Variants in CENPI observed in about 807,000 individuals in gnomAD.
CENPI encodes centromere protein I.
In CENPI, 4 loss-of-function variants were observed where a neutral mutation model predicts 60.4. That is an observed-to-expected ratio of 0.07 (90% CI 0.03 to 0.15). The LOEUF is 0.15. Among genes scored for constraint, CENPI ranks in the 10% least tolerant of loss-of-function variants. CENPI has a pLI of 1.00. For missense variants in CENPI, 444 were observed against 534.5 expected (o/e 0.83, Z 1.67); for synonymous variants, 157 against 189.4 (o/e 0.83, Z 1.40).
At chrX:101,172,556 A>G in the CENPI span, among the ~76,000 whole-genome samples, 1 of 111,872 alleles carries the variant, frequency 8.9e-6, no homozygotes, top group African/African-American at 3.2e-5. Context: ...TTGTGGTTCT[A>G]TTTACATGAA....
chrX:101,108,928 TGA>T (rs1427872661), intron 4 of CENPI, among the ~76,000 whole-genome samples: 13 of 111,464 alleles, frequency 1.2e-4, no homozygotes, highest in Middle Eastern at 9.3e-3. Context: ...ATTATAGGCA[TGA>T]GCCACTGTGC....
At chrX:101,130,715 G>T (rs2089787454) in intron 13 of CENPI, among the ~76,000 whole-genome samples, 1 of 111,938 alleles carries the variant, frequency 8.9e-6, no homozygotes, top group Non-Finnish European at 1.9e-5. Context: ...AACATTTTTT[G>T]AGCATCAGAT....
At chrX:101,138,635 T>TGTA (rs1213381844) in intron 15 of CENPI, among the ~76,000 whole-genome samples, 12 of 107,505 alleles carry the variant, frequency 1.1e-4, no homozygotes, top group Non-Finnish European at 2.1e-4. Flanking sequence ...CAAGATTTTT[T>TGTA]TTTTTCCTGA....
chrX:101,120,467 C>T lies in CENPI; in HGVS notation c.640+17C>T. Reference sequence around the variant, plus strand: ...AAGAGAATGGTGAGTATTTTCATTACAGTTGTATTATACTTTGTAGAATTA... The same window carrying T: ...AAGAGAATGGTGAGTATTTTCATTATAGTTGTATTATACTTTGTAGAATTA... On this transcript the variant is annotated intron_variant, in intron 7 of 21. Transcript: ENST00000682095. 1 of 843,147 alleles carries T rather than the reference C, an allele frequency of 1.2e-6. No homozygotes were observed. Among genetic ancestry groups the T allele is most frequent in the Non-Finnish European group, 1.8e-6 (1 of 566,631 alleles). 69.5% of individuals were successfully genotyped at this position (843,147 alleles called of 1,213,427 possible).
In CENPI at chrX:101,127,265, G is replaced by A; in HGVS notation, c.905G>A (p.Arg302Lys). 2 of 1,162,551 alleles carry A rather than the reference G, an allele frequency of 1.7e-6. No individual in the cohort carries two copies. Among genetic ancestry groups the A allele is most frequent in the Non-Finnish European group, 2.3e-6 (2 of 874,482 alleles). ...LGPANVRPLK[R>K]KWNSLSVIPV... Reference sequence around the variant, plus strand: ...CCAGCTAATGTTCGTCCTCTAAAAAGAGTAAGTATCTAAAGCTCAAACAAC... The same window carrying A: ...CCAGCTAATGTTCGTCCTCTAAAAAAAGTAAGTATCTAAAGCTCAAACAAC... The change falls in exon 10 of 22, where the codon AGA (arginine) becomes AAA (lysine). Residue 302 changes from arginine (R) to lysine (K), a missense_variant and splice_region_variant. Transcript: ENST00000682095.
chrX:101,112,369 T>C (rs2089563766), intron 6 of CENPI, among the ~76,000 whole-genome samples: 1 of 111,924 alleles, frequency 8.9e-6, no homozygotes, highest in Non-Finnish European at 1.9e-5. Context: ...GATGAACAAG[T>C]ACGATGTTCT....
chrX:101,156,839 T>C (rs2090057326), intron 20 of CENPI, among the ~76,000 whole-genome samples: 1 of 108,628 alleles, frequency 9.2e-6, no homozygotes, highest in South Asian at 3.9e-4. Flanking sequence ...TTCATTCATT[T>C]TTATGGCTGA....
intron 4 of CENPI, among the ~76,000 whole-genome samples, chrX:101,105,306 C>T (rs779523649): frequency 8.1e-5 from 9 of 111,259 alleles, no homozygotes; most frequent in Non-Finnish European, 1.1e-4. Flanking sequence ...GGGCGGATCA[C>T]GAGATCAGGA....
chrX:101,101,047 T>C lies in CENPI; in HGVS notation c.-13-11T>C. Reference sequence around the variant, plus strand: ...CTGATTAATGATAACTTAACACTTGTTTCTGTGTAGAACATATGCAGTAAT... The same window carrying C: ...CTGATTAATGATAACTTAACACTTGCTTCTGTGTAGAACATATGCAGTAAT... On this transcript the variant is annotated splice_polypyrimidine_tract_variant and intron_variant, in intron 2 of 21. Transcript: ENST00000682095. 8.9e-7 allele frequency: 1 copy of C among 1,128,782 alleles called. No individual in the cohort carries two copies. 93.0% of individuals were successfully genotyped at this position (1,128,782 alleles called of 1,213,427 possible). A position where few individuals can be genotyped will look rare whatever the true frequency, so the allele number is the denominator to read the frequency against.
intron 6 of CENPI, among the ~76,000 whole-genome samples, chrX:101,113,601 C>T (rs987071637): frequency 2.7e-5 from 3 of 111,997 alleles, no homozygotes; most frequent in Non-Finnish European, 5.6e-5. Flanking sequence ...TGAGCCACCA[C>T]GCCTGGCCGA....
chrX:101,151,602 C>T (rs150065742), intron 20 of CENPI, among the ~76,000 whole-genome samples: 2,482 of 110,990 alleles, frequency 0.022, 39 homozygotes, highest in Non-Finnish European at 0.035. Flanking sequence ...GAGGCCAAGG[C>T]GGGCAGATCA....
intron 2 of CENPI, among the ~76,000 whole-genome samples, chrX:101,099,431 CA>C (rs551596409): frequency 4.7e-3 from 401 of 84,550 alleles, no homozygotes; most frequent in East Asian, 7.3e-3. Flanking sequence ...GAGACTGTCT[CA>C]AAAAAAAAAA....
At position 101,130,062 on chromosome X, in the gene CENPI, T is replaced by A; in HGVS notation, c.1276T>A (p.Cys426Ser). Residue 426 changes from cysteine to serine, a missense_variant, in exon 13 of 22, where the codon TGC (cysteine) becomes AGC (serine). Physicochemically the swap from Cys to Ser is moderately radical, Grantham distance 112. Coordinates refer to ENST00000682095, the MANE Select transcript of CENPI (RefSeq NM_001386188.2). ...NFLDTIIRAE[C>S]FLQEGFYSCE... The stretch of plus-strand genomic sequence containing the variant: ...CCTGGATACCATCATCAGGGCAGAG[T>A]GCTTCTTACAAGTAAGATTTCACTT... 8.4e-7 allele frequency: 1 copy of A among 1,183,542 alleles called. No individual in the cohort carries two copies. The highest frequency in any genetic ancestry group is 1.1e-6 in the Non-Finnish European group (1 of 870,666).
chrX:101,169,263 C>T (rs185833049), downstream of CENPI, among the ~76,000 whole-genome samples: 2 of 110,505 alleles, frequency 1.8e-5, no homozygotes, highest in Admixed American at 1.9e-4. Context: ...AATAATGCCC[C>T]AAACTTGATG....
intron 6 of CENPI, among the ~76,000 whole-genome samples, chrX:101,118,614 C>A: frequency 8.9e-6 from 1 of 111,813 alleles, no homozygotes; most frequent in East Asian, 2.8e-4. Flanking sequence ...TACTTTTGCA[C>A]CAACCTAAAT....
At chrX:101,172,888 T>C in the CENPI span, among the ~76,000 whole-genome samples, 1 of 111,342 alleles carries the variant, frequency 9.0e-6, no homozygotes, top group Non-Finnish European at 1.9e-5. Context: ...AGAAAAATTA[T>C]ACTCATAAAA....
At chrX:101,138,398 C>T (rs185083105) in intron 15 of CENPI, among the ~76,000 whole-genome samples, 14 of 107,574 alleles carry the variant, frequency 1.3e-4, no homozygotes, top group East Asian at 2.9e-4. Flanking sequence ...AGTCCAGTGG[C>T]GTGATCTCGG....
intron 15 of CENPI, among the ~76,000 whole-genome samples, chrX:101,136,560 A>G (rs2089850216): frequency 8.9e-6 from 1 of 112,260 alleles, no homozygotes; most frequent in Non-Finnish European, 1.9e-5. Context: ...TAATAAATGA[A>G]TAGTATTTTT....
At chrX:101,130,635 T>G (rs968773460) in intron 13 of CENPI, among the ~76,000 whole-genome samples, 3 of 112,649 alleles carry the variant, frequency 2.7e-5, no homozygotes, top group Non-Finnish European at 5.6e-5. Flanking sequence ...TAATTAAATG[T>G]ATTCAGTTAA....
Sources: gnomAD v4.1 joint callset for allele counts (sites outside exome capture counted in the v4.1 genomes callset) on GRCh38, gnomAD v4.1.1 for gene constraint, MANE v1.5 for transcripts, NCBI Gene and HGNC (gene_info 2026-07-23, HGNC 2026-07-21) for gene names.